Variants in PIGN observed in about 807,000 individuals in gnomAD.
PIGN encodes the protein GPI ethanolamine phosphate transferase 1.
In PIGN, 117 loss-of-function variants were observed where a neutral mutation model predicts 125.4. The ratio of observed to expected loss-of-function variants is 0.93; its 90% CI spans 0.80 to 1.09. The LOEUF (loss-of-function observed/expected upper bound fraction) is 1.09, where lower values mean the gene tolerates loss of function less well. PIGN is among the 50% of genes least tolerant of loss of function. The pLI is 0.00. For synonymous variants in PIGN, 392 were observed against 377.8 expected, an observed-to-expected ratio of 1.04 and a Z score of -0.44; for missense variants, 1,075 against 1,094.9, an observed-to-expected ratio of 0.98 and a Z score of 0.26.
At position 62,028,095 on chromosome 18, in the gene PIGN, T is replaced by C. The variant is rs565355035; in HGVS notation, c.2143-10354A>G. On this transcript the variant is annotated intron_variant, in intron 23 of 24. Transcript: ENST00000639600. ...GCACTGGGTTCCACAATACATGGAA[T>C]ACCCTGCCGAATGGAGGGCAAATCC... is the stretch of plus-strand genomic sequence containing the variant. Among the ~76,000 whole-genome samples, 7 of 152,298 alleles carry C rather than the reference T, an allele frequency of 4.6e-5. No individual in the cohort carries two copies. In the South Asian group the frequency reaches 1.0e-3, roughly 23 times the overall value.
At chr18:62,072,366 C>T in intron 30 of PIGN, 1 of 194,996 alleles carries the variant, frequency 5.1e-6, no homozygotes, top group Non-Finnish European at 1.0e-5. Context: ...GGTAAGTGTC[C>T]TAGATAGGTA....
At position 62,084,564 on chromosome 18, in the gene PIGN, A is replaced by T. The variant is rs1248101858; in HGVS notation, c.2469T>A (p.Ser823Arg). 2.6e-6 allele frequency: 4 copies of T among 1,560,384 alleles called. No individual in the cohort carries two copies. The highest frequency in any genetic ancestry group is 3.5e-6 in the Non-Finnish European group (4 of 1,150,996). Residue 823 changes from serine (S) to arginine (R), a missense_variant, in exon 27 of 31, where the codon AGT becomes AGA. Physicochemically the swap from Ser to Arg is moderately radical, Grantham distance 110. Around this residue, in one of 3 missense-constraint regions of PIGN, gnomAD observed 915 missense variants for 908.7 expected, o/e 1.01. Coordinates refer to ENST00000640252, the MANE Select transcript of PIGN (RefSeq NM_176787.5). ...ASVYCFLTVF[S>R]PFMMGALMMW... is the part of the protein sequence containing the mutation. ...TCATCAGGGCTCCCATCATAAAAGG[A>T]CTGAACACAGTCAGAAAGCAATAGA...
intron 25 of PIGN, among the ~76,000 whole-genome samples, chr18:62,087,770 C>T (rs2033774441): frequency 6.6e-6 from 1 of 152,084 alleles, no homozygotes; most frequent in African/African-American, 2.4e-5. Context: ...GGGTTAATAT[C>T]CAAAACATAC....
chr18:62,126,550 A>T (rs1247928952), intron 14 of PIGN, among the ~76,000 whole-genome samples: 1 of 152,158 alleles, frequency 6.6e-6, no homozygotes, highest in Non-Finnish European at 1.5e-5. Flanking sequence ...TCCCAGTTTC[A>T]TCATGTATTG....
intron 1 of PIGN, among the ~76,000 whole-genome samples, chr18:62,178,955 C>T (rs1237344637): frequency 6.6e-6 from 1 of 152,112 alleles, no homozygotes; most frequent in Non-Finnish European, 1.5e-5. Context: ...AGCTAGTCAC[C>T]ATATCTCCTT....
At chr18:62,083,003 C>T (rs2033522879) in intron 27 of PIGN, among the ~76,000 whole-genome samples, 1 of 151,926 alleles carries the variant, frequency 6.6e-6, no homozygotes, top group Non-Finnish European at 1.5e-5. Context: ...CAAATAAAAG[C>T]CTATTACAAA....
downstream of PIGN, among the ~76,000 whole-genome samples, chr18:62,039,580 T>TC (rs2030312406): frequency 2.5e-5 from 1 of 40,478 alleles, no homozygotes; most frequent in Admixed American, 2.6e-4. Context: ...ATGTTTAGGG[T>TC]CCATCCAGGG....
At chr18:62,157,594 C>T (rs1008760857) in intron 5 of PIGN, 93 bp downstream of exon 5, 8 of 1,216,702 alleles carry the variant, frequency 6.6e-6, no homozygotes, top group Middle Eastern at 1.9e-4. Context: ...TATCTCAAAA[C>T]ATACCTTCAC....
chr18:62,097,824 C>G (rs561813720), intron 22 of PIGN, among the ~76,000 whole-genome samples: 1 of 151,980 alleles, frequency 6.6e-6, no homozygotes, highest in South Asian at 2.1e-4. Context: ...GACTCTCCCC[C>G]GGGATAATAA....
rs182630547 is a variant in PIGN at position 62,105,496 on chromosome 18, A to G, written c.1859+47T>C. 1.7e-4 allele frequency: 191 copies of G among 1,098,640 alleles called. No homozygotes were observed. In the East Asian group the frequency reaches 4.1e-3, roughly 23 times the overall value. The allele number at this position is 1,098,640 out of a possible 1,614,324, so 68.1% of individuals were successfully genotyped here. ...TCAAATTTTACAGTGTTAATTGAGGAAAAAAAAGTGTATTGAAAATAGAAT... is the reference window on the plus strand; with the variant it reads ...TCAAATTTTACAGTGTTAATTGAGGGAAAAAAAGTGTATTGAAAATAGAAT... On this transcript the variant is annotated intron_variant, in intron 20 of 30. Coordinates refer to ENST00000640252, the MANE Select transcript of PIGN (RefSeq NM_176787.5).
At chr18:62,019,862 T>C (rs1599373766) in intron 23 of PIGN, among the ~76,000 whole-genome samples, 1 of 152,360 alleles carries the variant, frequency 6.6e-6, no homozygotes, top group African/African-American at 2.4e-5. Flanking sequence ...AGTCCCTTCA[T>C]AACCCTTTCT....
chr18:62,130,279 A>G (rs1418378108), intron 14 of PIGN, among the ~76,000 whole-genome samples: 1 of 152,186 alleles, frequency 6.6e-6, no homozygotes, highest in Non-Finnish European at 1.5e-5. Flanking sequence ...GAAAACTAAT[A>G]TATCTTCCTA....
chr18:62,085,147 T>C (rs2033637699), intron 26 of PIGN, 62 bp downstream of exon 26: 12 of 900,904 alleles, frequency 1.3e-5, no homozygotes, highest in South Asian at 1.2e-4. Context: ...ACAAAAGGTA[T>C]AGAAGTCCCA....
At chr18:62,144,460 T>C (rs1304248585) in intron 10 of PIGN, among the ~76,000 whole-genome samples, 1 of 152,194 alleles carries the variant, frequency 6.6e-6, no homozygotes, top group Non-Finnish European at 1.5e-5. Context: ...CTCAACTCAT[T>C]GTACTCTGCT....
chr18:62,161,224 T>C lies in PIGN; in HGVS notation c.130A>G (p.Arg44Gly). The C allele has an allele frequency of 6.2e-7, 1 of 1,613,844 alleles. No homozygotes were observed. Among genetic ancestry groups the C allele is most frequent in the Non-Finnish European group, 8.5e-7 (1 of 1,179,806 alleles). The change falls in exon 4 of 31, where the codon AGA (arginine) becomes GGA (glycine). Residue 44 changes from arginine (R) to glycine (G), a missense_variant. This residue lies in a region of PIGN where 152 missense variants were observed against 162.9 expected (regional missense o/e 0.93). Coordinates refer to ENST00000640252, the MANE Select transcript of PIGN (RefSeq NM_176787.5). ...PQFTPLPPPA[R>G]RLVLFVADGL... ...TCAGCAACAAACAACACTAATCTTC[T>C]CGCTGGAGGAGGCAATGGTGTAAAC...
At chr18:62,108,137 A>C (rs1290872185) in intron 17 of PIGN, among the ~76,000 whole-genome samples, 2 of 152,212 alleles carry the variant, frequency 1.3e-5, no homozygotes, top group Non-Finnish European at 2.9e-5. Context: ...AAAAGCTAAC[A>C]CCAGTCAAAA....
At chr18:62,144,186 C>T (rs1053755974) in intron 10 of PIGN, among the ~76,000 whole-genome samples, 1 of 152,076 alleles carries the variant, frequency 6.6e-6, no homozygotes, top group Non-Finnish European at 1.5e-5. Context: ...GATTCTAAAA[C>T]GTCAATTCAA....
At chr18:62,137,832 T>C (rs62097168) in intron 14 of PIGN, 27,317 of 159,872 alleles carry the variant, frequency 0.17, 3,121 homozygotes, top group Middle Eastern at 0.28. Context: ...TATCTTCAAA[T>C]GTAAGTTGAA....
In PIGN at chr18:62,091,205, G is replaced by A. The variant is rs185729707; in HGVS notation, c.2181-627C>T. 1.2e-4 allele frequency among the ~76,000 whole-genome samples: 19 copies of A among 152,124 alleles called. No individual in the cohort carries two copies. The East Asian group carries it at 2.1e-3, about 17-fold the overall frequency. On this transcript the variant is annotated intron_variant, in intron 23 of 30. Transcript: ENST00000640252. ...CTACTAAAAATACAAAAAATTAGCCGGGTGTGGTGGTGTGCGCCTGCCCAG... is the reference window on the plus strand; with the variant it reads ...CTACTAAAAATACAAAAAATTAGCCAGGTGTGGTGGTGTGCGCCTGCCCAG...
Sources: gnomAD v4.1 joint callset for allele counts (sites outside exome capture counted in the v4.1 genomes callset) on GRCh38, gnomAD v4.1.1 for gene constraint, gnomAD v4.1.1 regional missense constraint, MANE v1.5 for transcripts, NCBI Gene and HGNC (gene_info 2026-07-23, HGNC 2026-07-21) for gene names.